The following DMD variants were observed in gnomAD, a reference collection of about 807,000 sequenced individuals.
DMD encodes the protein dystrophin, also known as mutant dystrophin.
A neutral mutation model predicts 330.1 loss-of-function variants in DMD; 63 were observed. The observed-to-expected ratio is 0.19, with a 90% CI of 0.16 to 0.24. The LOEUF (loss-of-function observed/expected upper bound fraction) is 0.24. Among genes scored for constraint, DMD ranks in the 10% least tolerant of loss-of-function variants. The pLI, the probability that DMD is intolerant of heterozygous loss-of-function variation, is 1.00. For missense variants in DMD, 3,344 were observed against 2,684.1 expected (o/e 1.25, Z -5.43); for synonymous variants, 1,223 against 959.8 (o/e 1.27, Z -5.07).
intron 11 of DMD, among the ~76,000 whole-genome samples, chrX:32,635,746 A>G (rs746881520): frequency 1.8e-5 from 2 of 112,046 alleles, no homozygotes; most frequent in Non-Finnish European, 3.8e-5. Flanking sequence ...TCAAAGTTCA[A>G]TAAGTGGCCT....
intron 60 of DMD, among the ~76,000 whole-genome samples, chrX:31,401,086 C>T (rs751210229): frequency 9.0e-6 from 1 of 111,353 alleles, no homozygotes; most frequent in Non-Finnish European, 1.9e-5. Context: ...TTTATAGGGT[C>T]GAATCCTGCC....
At chrX:31,548,558 CTTTTTT>C (rs754058241) in intron 55 of DMD, among the ~76,000 whole-genome samples, 2 of 95,444 alleles carry the variant, frequency 2.1e-5, no homozygotes, top group East Asian at 3.2e-4. Context: ...TTTTCTTTTT[CTTTTTT>C]TTTTTTTTTT....
chrX:32,377,987 T>A (rs150504477), intron 34 of DMD, among the ~76,000 whole-genome samples: 1 of 111,227 alleles, frequency 9.0e-6, no homozygotes, highest in Non-Finnish European at 1.9e-5. Flanking sequence ...TGGAGCCATG[T>A]TGGTAGAAAA....
intron 48 of DMD, among the ~76,000 whole-genome samples, chrX:31,870,246 T>C (rs2093868778): frequency 8.9e-6 from 1 of 112,069 alleles, no homozygotes; most frequent in South Asian, 3.7e-4. Context: ...TAGAAAACTT[T>C]ATATATTATT....
chrX:31,507,416 T>C lies in DMD; in HGVS notation c.8255A>G (p.Tyr2752Cys), dbSNP rs373832446. The change falls in exon 56 of 79, where the codon TAT becomes TGT. Residue 2752 changes from tyrosine (Y) to cysteine (C), a missense_variant. By Grantham distance (194) the Tyr-to-Cys change is radical. Coordinates refer to ENST00000357033, the MANE Select transcript of DMD (RefSeq NM_004006.3). Reference sequence around the variant, plus strand: ...TTGGCTGTTTTCATCCAGGTTGTGATAAACATCTGTGTGAGCTTCAATTTC... The same window carrying C: ...TTGGCTGTTTTCATCCAGGTTGTGACAAACATCTGTGTGAGCTTCAATTTC... ...QGEIEAHTDV[Y>C]HNLDENSQKI... 2.5e-4 allele frequency: 298 copies of C among 1,208,631 alleles called. No homozygotes were observed. Among genetic ancestry groups the C allele is most frequent in the Non-Finnish European group, 3.1e-4 (281 of 894,235 alleles).
At chrX:31,232,295 C>G (rs1411950382) in intron 63 of DMD, among the ~76,000 whole-genome samples, 1 of 110,559 alleles carries the variant, frequency 9.0e-6, no homozygotes, top group African/African-American at 3.3e-5. Flanking sequence ...TTAAACACAG[C>G]AGATGGAGCA....
intron 1 of DMD, among the ~76,000 whole-genome samples, chrX:33,041,936 C>T (rs1031742852): frequency 4.5e-5 from 5 of 110,343 alleles, no homozygotes; most frequent in Non-Finnish European, 9.5e-5. Flanking sequence ...TTTGTAACTG[C>T]CTATATGATA....
chrX:31,828,720 T>C (rs1247835720), intron 49 of DMD, among the ~76,000 whole-genome samples: 3 of 105,743 alleles, frequency 2.8e-5, no homozygotes, highest in Non-Finnish European at 3.9e-5. Context: ...AGCAGCAAGG[T>C]TGAATATCAG....
At chrX:32,935,563 C>A (rs1025353688) in intron 2 of DMD, among the ~76,000 whole-genome samples, 2 of 111,845 alleles carry the variant, frequency 1.8e-5, no homozygotes, top group Non-Finnish European at 3.8e-5. Context: ...CTATTATGAA[C>A]ACTGTAGCTA....
intron 44 of DMD, among the ~76,000 whole-genome samples, chrX:32,103,558 C>T (rs955461765): frequency 1.8e-5 from 2 of 111,984 alleles, no homozygotes; most frequent in Non-Finnish European, 3.8e-5. Flanking sequence ...ACTCCGTACA[C>T]TGAAGTGCCT....
intron 5 of DMD, among the ~76,000 whole-genome samples, chrX:32,822,316 C>A (rs1215195256): frequency 9.1e-6 from 1 of 110,276 alleles, no homozygotes; most frequent in Non-Finnish European, 1.9e-5. Context: ...TGGCAATATA[C>A]CAAATGCCAC....
intron 2 of DMD, among the ~76,000 whole-genome samples, chrX:32,968,953 C>T (rs1318664437): frequency 4.3e-5 from 4 of 92,353 alleles, no homozygotes; most frequent in Admixed American, 2.6e-4. Context: ...GCTTGAAACC[C>T]GGAGGCAGAG....
At chrX:32,754,562 G>T (rs977075492) in intron 7 of DMD, among the ~76,000 whole-genome samples, 1 of 107,767 alleles carries the variant, frequency 9.3e-6, no homozygotes, top group Admixed American at 1.0e-4. Flanking sequence ...AAAAAAATAG[G>T]TGCCACAGTA....
chrX:31,502,546 A>AG (rs2147125872), intron 56 of DMD, among the ~76,000 whole-genome samples: 1 of 111,471 alleles, frequency 9.0e-6, no homozygotes, highest in African/African-American at 3.2e-5. Flanking sequence ...CAGACTATAT[A>AG]ATGTCAGTGT....
Position 31,950,293 on chromosome X carries a change from A to G in DMD, c.6614+18046T>C, listed in dbSNP as rs774027618. Among the ~76,000 whole-genome samples the G allele has an allele frequency of 3.6e-5, 4 of 111,629 alleles. No homozygotes were observed. The East Asian group carries it at 1.1e-3, about 31-fold the overall frequency. On this transcript the variant is annotated intron_variant, in intron 45 of 78. Transcript: ENST00000357033. ...TTGTTGAATTTCAAAATATTTTGAT[A>G]TCTTCCAAATTTCCTTCTGTTGAAT...
At chrX:32,687,216 T>A (rs999760482) in intron 9 of DMD, among the ~76,000 whole-genome samples, 4 of 112,085 alleles carry the variant, frequency 3.6e-5, no homozygotes, top group African/African-American at 1.3e-4. Context: ...ACAAGTACAG[T>A]CATCAGTAAG....
chrX:31,642,029 A>G (rs754163907), intron 54 of DMD, among the ~76,000 whole-genome samples: 1 of 112,214 alleles, frequency 8.9e-6, no homozygotes, highest in Non-Finnish European at 1.9e-5. Context: ...GTTCTCCTTT[A>G]GAAAACAAAA....
At chrX:31,373,291 A>C (rs201901522) in intron 60 of DMD, among the ~76,000 whole-genome samples, 29,111 of 96,380 alleles carry the variant, frequency 0.3, 4,286 homozygotes, top group South Asian at 0.48. Context: ...GCTACCAATG[A>C]CTTTCTTCAC....
At chrX:31,585,496 T>C (rs2076556274) in intron 55 of DMD, among the ~76,000 whole-genome samples, 1 of 106,819 alleles carries the variant, frequency 9.4e-6, no homozygotes, top group African/African-American at 3.4e-5. Flanking sequence ...CTTTTTTTTT[T>C]TTTTTTAAAT....
Sources: gnomAD v4.1 joint callset for allele counts (sites outside exome capture counted in the v4.1 genomes callset) on GRCh38, gnomAD v4.1.1 for gene constraint, MANE v1.5 for transcripts, NCBI Gene and HGNC (gene_info 2026-07-23, HGNC 2026-07-21) for gene names.